Variants in PTCD2 observed in about 807,000 individuals in gnomAD.
PTCD2 encodes the protein pentatricopeptide repeat-containing protein 2, mitochondrial.
Under a neutral mutation model 42.6 loss-of-function variants are expected in PTCD2, and 31 were observed. The ratio of observed to expected loss-of-function variants is 0.73; its 90% CI spans 0.55 to 0.98. The LOEUF (loss-of-function observed/expected upper bound fraction) is 0.98, where lower values mean the gene tolerates loss of function less well. PTCD2 is among the 50% of genes least tolerant of loss of function. PTCD2 has a pLI of 0.00. For synonymous variants in PTCD2, 183 were observed against 170.9 expected, an observed-to-expected ratio of 1.07 and a Z score of -0.55; for missense variants, 476 against 454.8, an observed-to-expected ratio of 1.05 and a Z score of -0.42.
Position 72,352,711 on chromosome 5 carries a change from A to AT in PTCD2, c.902dup (p.Leu301PhefsTer33). ...ACTCTAAAAAATGCTGCAGAAGGAA[A>AT]TTTATCAAAATTTGTGAAAAGACAT... On this transcript the variant is annotated frameshift_variant, in exon 9 of 10. Transcript: ENST00000380639. LOFTEE classifies it low-confidence loss of function (END_TRUNC). The AT allele has an allele frequency of 1.9e-6, 3 of 1,603,804 alleles. No homozygotes were observed. Among genetic ancestry groups the AT allele is most frequent in the Non-Finnish European group, 2.6e-6 (3 of 1,170,866 alleles).
chr5:72,354,142 A>C (rs1752749681), intron 9 of PTCD2, among the ~76,000 whole-genome samples: 1 of 152,166 alleles, frequency 6.6e-6, no homozygotes, highest in South Asian at 2.1e-4. Flanking sequence ...GCGGTGGCTC[A>C]TGCCTATAAT....
At chr5:72,334,883 A>G (rs1751645507) in intron 4 of PTCD2, 135 bp from the exon 5 acceptor site, 1 of 617,494 alleles carries the variant, frequency 1.6e-6, no homozygotes, top group African/African-American at 2.0e-5. Flanking sequence ...TATATAAAAT[A>G]TATTAGAGAA....
chr5:72,347,515 A>G (rs781019141), intron 8 of PTCD2, among the ~76,000 whole-genome samples: 4 of 152,110 alleles, frequency 2.6e-5, no homozygotes, highest in Non-Finnish European at 5.9e-5. Flanking sequence ...GTGAAACCCC[A>G]TCTCTACTGA....
At chr5:72,333,626 G>A (rs1751561186) in intron 4 of PTCD2, among the ~76,000 whole-genome samples, 1 of 152,186 alleles carries the variant, frequency 6.6e-6, no homozygotes, top group African/African-American at 2.4e-5. Context: ...TTAGCAAGAT[G>A]TTGGTCAAAG....
intron 8 of PTCD2, among the ~76,000 whole-genome samples, chr5:72,346,018 C>T (rs1346356866): frequency 6.6e-6 from 1 of 152,126 alleles, no homozygotes; most frequent in East Asian, 1.9e-4. Flanking sequence ...CAGAGAATGA[C>T]TAGATGAGTA....
chr5:72,320,648 C>T lies in PTCD2; in HGVS notation c.127+139C>T, dbSNP rs999396649. The T allele has an allele frequency of 3.3e-6, 4 of 1,221,804 alleles. No individual in the cohort carries two copies. In the South Asian group the frequency reaches 5.4e-5, roughly 17 times the overall value. The allele number at this position is 1,221,804 out of a possible 1,614,324, so 75.7% of individuals were successfully genotyped here. ...GGAGCGCACCCTCGCCCTCTAGTTG[C>T]ACGTGGGTGCAGTGGTGACCACTGG... On this transcript the variant is annotated intron_variant, in intron 1 of 9. Coordinates refer to ENST00000380639, the MANE Select transcript of PTCD2 (RefSeq NM_024754.5).
At chr5:72,353,661 C>CA (rs1752729342) in intron 9 of PTCD2, among the ~76,000 whole-genome samples, 1 of 152,082 alleles carries the variant, frequency 6.6e-6, no homozygotes, top group Non-Finnish European at 1.5e-5. Flanking sequence ...AATAGGGCAG[C>CA]TAATGGGACA....
At chr5:72,332,362 C>A (rs1751483898) in intron 4 of PTCD2, among the ~76,000 whole-genome samples, 1 of 151,932 alleles carries the variant, frequency 6.6e-6, no homozygotes, top group Non-Finnish European at 1.5e-5. Context: ...ATAGTTTGAT[C>A]CTGTTTTTTT....
chr5:72,334,413 G>A (rs1004069579), intron 4 of PTCD2, among the ~76,000 whole-genome samples: 1 of 152,166 alleles, frequency 6.6e-6, no homozygotes, highest in African/African-American at 2.4e-5. Flanking sequence ...GGGTTAACTG[G>A]CTAGTTTCTT....
At chr5:72,328,556 T>C (rs1393481262) in intron 3 of PTCD2, among the ~76,000 whole-genome samples, 4 of 152,114 alleles carry the variant, frequency 2.6e-5, no homozygotes, top group African/African-American at 9.7e-5. Context: ...AGGGAAGAAA[T>C]TGATGGCAGC....
intron 2 of PTCD2, among the ~76,000 whole-genome samples, chr5:72,325,745 A>G (rs913318257): frequency 1.3e-5 from 2 of 152,206 alleles, no homozygotes; most frequent in Non-Finnish European, 2.9e-5. Context: ...TCTTGGAACA[A>G]ATCCTATAGC....
At chr5:72,334,042 AT>A (rs202074828) in intron 4 of PTCD2, among the ~76,000 whole-genome samples, 1 of 151,610 alleles carries the variant, frequency 6.6e-6, no homozygotes, top group Non-Finnish European at 1.5e-5. Context: ...AATTTTTATT[AT>A]TTTTTTTAAG....
intron 1 of PTCD2, chr5:72,320,905 A>C (rs1267971416): frequency 1.0e-5 from 2 of 192,652 alleles, no homozygotes; most frequent in Admixed American, 5.5e-5. Flanking sequence ...TCCCGGGTTC[A>C]AGCGATTCTC....
chr5:72,335,540 T>G (rs889671309), intron 5 of PTCD2: 23 of 385,994 alleles, frequency 6.0e-5, no homozygotes, highest in African/African-American at 3.9e-4. Context: ...AACATTGCAT[T>G]GCATGTCATC....
chr5:72,329,734 T>C (rs12186595), intron 3 of PTCD2, among the ~76,000 whole-genome samples: 9,464 of 152,156 alleles, frequency 0.062, 547 homozygotes, highest in African/African-American at 0.15. Flanking sequence ...TGGGTTCTCT[T>C]CTTCCTTCCA....
chr5:72,346,637 A>G (rs1261720011), intron 8 of PTCD2, among the ~76,000 whole-genome samples: 1 of 152,214 alleles, frequency 6.6e-6, no homozygotes, highest in Middle Eastern at 3.2e-3. Context: ...TGATACCAGT[A>G]AGCTAAACAG....
Position 72,364,977 on chromosome 5 carries a change from C to A in PTCD2, c.*6550C>A, listed in dbSNP as rs1433848506. ...GAAAGAGGATCAAAGCGCTGCTGAACTGCTCACCTCCCCGCTTGGCCTGCC... is the reference window on the plus strand; with the variant it reads ...GAAAGAGGATCAAAGCGCTGCTGAAATGCTCACCTCCCCGCTTGGCCTGCC... On this transcript the variant is annotated 3_prime_UTR_variant, in exon 10 of 10. Transcript: ENST00000380639. 1.3e-5 allele frequency: 2 copies of A among 152,358 alleles called. No homozygotes were observed. The highest frequency in any genetic ancestry group is 2.4e-5 in the African/African-American group (1 of 41,466). The allele number at this position is 152,358 out of a possible 1,614,324, so 9.4% of individuals were successfully genotyped here.
intron 8 of PTCD2, among the ~76,000 whole-genome samples, chr5:72,343,255 C>A (rs925026488): frequency 6.6e-6 from 1 of 152,096 alleles, no homozygotes; most frequent in Non-Finnish European, 1.5e-5. Context: ...AGTTTGTAAA[C>A]AGGTTGGAGA....
chr5:72,322,007 T>G (rs1227561965), intron 1 of PTCD2, among the ~76,000 whole-genome samples, 165 bp from the exon 2 acceptor site: 2 of 152,214 alleles, frequency 1.3e-5, no homozygotes, highest in African/African-American at 2.4e-5. Flanking sequence ...GTTCAGAAAT[T>G]GTTTTTCCCA....
Sources: gnomAD v4.1 joint callset for allele counts (sites outside exome capture counted in the v4.1 genomes callset) on GRCh38, gnomAD v4.1.1 for gene constraint, MANE v1.5 for transcripts, NCBI Gene and HGNC (gene_info 2026-07-23, HGNC 2026-07-21) for gene names.